ACOT7: variants seen among roughly 807,000 people sequenced by gnomAD.
The protein encoded by ACOT7 is cytosolic acyl coenzyme A thioester hydrolase.
ACOT7 carries 12 observed loss-of-function variants against 40.2 expected under a neutral mutation model. That is an observed-to-expected ratio of 0.30 (90% CI 0.19 to 0.48). ACOT7 has a LOEUF of 0.48. Among genes scored for constraint, ACOT7 ranks in the 20% least tolerant of loss-of-function variants. The pLI is 0.99. For synonymous variants in ACOT7, 228 were observed against 219.5 expected (o/e 1.04, Z -0.34); for missense variants, 395 against 530.8 (o/e 0.74, Z 2.51).
chr1:6,348,956 C>T (rs1018475360), intron 2 of ACOT7, among the ~76,000 whole-genome samples: 4 of 152,194 alleles, frequency 2.6e-5, no homozygotes, highest in African/African-American at 7.2e-5. Context: ...CTGAGTCTTC[C>T]TCTTCTCTGC....
In ACOT7 at chr1:6,393,343, A is replaced by C; in HGVS notation, c.57T>G (p.Leu19=). The C allele has an allele frequency of 8.0e-7, 1 of 1,254,114 alleles. No individual in the cohort carries two copies. The highest frequency in any genetic ancestry group is 1.0e-6 in the Non-Finnish European group (1 of 999,536). 77.7% of individuals were successfully genotyped at this position (1,254,114 alleles called of 1,614,324 possible). ...CGGCGGATGCGGCGGGCGGCTGCAGAAGGGCGCAGGTGTCTGGCAGGCCCG... is the reference window on the plus strand; with the variant it reads ...CGGCGGATGCGGCGGGCGGCTGCAGCAGGGCGCAGGTGTCTGGCAGGCCCG... The part of the protein sequence containing the change: ...SAPGLPDTCA[L]LQPPAASAAA... The change falls in exon 1 of 9, where the codon CTT becomes CTG. Residue 19 remains leucine (L), a synonymous_variant. Transcript: ENST00000361521.
Position 6,359,541 on chromosome 1 carries a change from A to C in ACOT7, c.144-9675T>G, listed in dbSNP as rs1571341704. ...TCAGCAACTCCACTACCCTTCCTCC[A>C]CTCCCGCGGGCTCTTAGGCTGCCGG... is the stretch of plus-strand genomic sequence containing the variant. On this transcript the variant is annotated intron_variant, in intron 1 of 8. Coordinates refer to ENST00000361521, the MANE Select transcript of ACOT7 (RefSeq NM_007274.4). The surrounding 1 kb of genome is among the most constrained non-coding windows in gnomAD (Gnocchi z 4.1). Among the ~76,000 whole-genome samples the C allele has an allele frequency of 2.3e-5, 3 of 130,894 alleles. No homozygotes were observed. The highest frequency in any genetic ancestry group is 7.9e-5 in the Admixed American group (1 of 12,580). The allele number at this position is 130,894 out of a possible 152,430, so 85.9% of individuals were successfully genotyped here. A position where few individuals can be genotyped will look rare whatever the true frequency, so the allele number is the denominator to read the frequency against.
chr1:6,376,916 G>A (rs1642243579), intron 1 of ACOT7, among the ~76,000 whole-genome samples: 1 of 152,058 alleles, frequency 6.6e-6, no homozygotes, highest in African/African-American at 2.4e-5. Flanking sequence ...GCGGCAGAGG[G>A]CCAAAGACCC....
intron 6 of ACOT7, among the ~76,000 whole-genome samples, chr1:6,296,057 A>G (rs915122642): frequency 2.0e-5 from 3 of 152,074 alleles, no homozygotes; most frequent in African/African-American, 7.2e-5. Flanking sequence ...GGCACATGTT[A>G]CCACACCTGG....
chr1:6,295,926 C>A (rs1213959450), intron 6 of ACOT7, among the ~76,000 whole-genome samples: 1 of 151,906 alleles, frequency 6.6e-6, no homozygotes. Context: ...GTTTTTGAGA[C>A]AGGGTCTCAC....
chr1:6,296,624 T>C (rs1369664043), intron 6 of ACOT7, among the ~76,000 whole-genome samples: 1 of 152,094 alleles, frequency 6.6e-6, no homozygotes, highest in Non-Finnish European at 1.5e-5. Flanking sequence ...GGGGTTTCAC[T>C]ATGTTGTCCA....
chr1:6,297,177 A>T (rs1639834443), intron 6 of ACOT7, among the ~76,000 whole-genome samples: 1 of 152,106 alleles, frequency 6.6e-6, no homozygotes, highest in African/African-American at 2.4e-5. Context: ...AGCTGGGATT[A>T]CAGATGTGTA....
intron 1 of ACOT7, among the ~76,000 whole-genome samples, chr1:6,351,276 G>A (rs919535388): frequency 5.9e-5 from 9 of 152,236 alleles, no homozygotes; most frequent in Non-Finnish European, 1.2e-4. Context: ...CCAAGGTTCC[G>A]TGGGAGGCTC....
At chr1:6,269,010 G>C (rs555897159) in intron 8 of ACOT7, among the ~76,000 whole-genome samples, 24 of 152,342 alleles carry the variant, frequency 1.6e-4, no homozygotes, top group African/African-American at 5.5e-4. Context: ...GGACTACAGC[G>C]ATAAGGGGAT....
Position 6,294,900 on chromosome 1 carries a change from C to T in ACOT7, c.793G>A (p.Val265Met), listed in dbSNP as rs2148395672. The T allele has an allele frequency of 1.2e-6, 2 of 1,614,092 alleles. No homozygotes were observed. Among genetic ancestry groups the T allele is most frequent in the Non-Finnish European group, 1.7e-6 (2 of 1,180,006 alleles). The change falls in exon 7 of 9, where the codon GTG (valine) becomes ATG (methionine). Residue 265 changes from valine (V) to methionine (M), a missense_variant. Around this residue, in one of 2 missense-constraint regions of ACOT7, gnomAD observed 309 missense variants for 470.3 expected, o/e 0.66. Transcript: ENST00000361521. The surrounding 1 kb of genome is among the most constrained non-coding windows in gnomAD (Gnocchi z 4.6). ...TTGTCATGAAAATTAATGGCGTCCA[C>T]GGAAGCTGTGACGATGTTGGTCTTG... is the stretch of plus-strand genomic sequence containing the variant. ...HCKTNIVTAS[V>M]DAINFHDKIR...
chr1:6,340,982 G>A (rs7527033), intron 2 of ACOT7, among the ~76,000 whole-genome samples: 2 of 151,824 alleles, frequency 1.3e-5, no homozygotes, highest in East Asian at 3.9e-4. Context: ...GTTGCAGTGA[G>A]CTGAGATTGC....
intron 6 of ACOT7, among the ~76,000 whole-genome samples, chr1:6,304,983 GC>G (rs1238019811): frequency 6.8e-6 from 1 of 147,992 alleles, no homozygotes; most frequent in African/African-American, 2.6e-5. Flanking sequence ...GGGCAGAGGC[GC>G]CCCTCACCTC....
intron 1 of ACOT7, among the ~76,000 whole-genome samples, 162 bp downstream of exon 1, chr1:6,393,095 C>A (rs1642561285): frequency 6.6e-6 from 1 of 150,726 alleles, no homozygotes; most frequent in African/African-American, 2.4e-5. Flanking sequence ...GAGTCGCATC[C>A]CGGCCGGGCG....
intron 6 of ACOT7, among the ~76,000 whole-genome samples, chr1:6,308,429 C>T (rs1162733962): frequency 6.8e-6 from 1 of 148,112 alleles, no homozygotes; most frequent in Non-Finnish European, 1.5e-5. Flanking sequence ...GCAGAAGGAA[C>T]AGCAACAGGC....
chr1:6,284,575 T>C (rs1571269498), intron 7 of ACOT7, among the ~76,000 whole-genome samples: 6 of 49,042 alleles, frequency 1.2e-4, no homozygotes, highest in Admixed American at 2.6e-4. Context: ...AAACTCCATC[T>C]CAAAAAAAAA....
intron 8 of ACOT7, among the ~76,000 whole-genome samples, chr1:6,270,622 G>T (rs1187287890): frequency 6.6e-6 from 1 of 152,232 alleles, no homozygotes; most frequent in Non-Finnish European, 1.5e-5. Flanking sequence ...GCCCAGCTGT[G>T]TGGCCCAGGG....
chr1:6,290,498 T>G (rs1639633983), intron 7 of ACOT7, among the ~76,000 whole-genome samples: 1 of 152,200 alleles, frequency 6.6e-6, no homozygotes, highest in South Asian at 2.1e-4. Context: ...GCCCTCAGGC[T>G]CCAACCGCCT....
intron 6 of ACOT7, among the ~76,000 whole-genome samples, chr1:6,317,066 T>C (rs1342201016): frequency 6.6e-6 from 1 of 152,208 alleles, no homozygotes; most frequent in Non-Finnish European, 1.5e-5. Context: ...GAACTTGGTG[T>C]TCCAGGCAGT....
At chr1:6,342,007 C>T (rs1475575160) in intron 2 of ACOT7, among the ~76,000 whole-genome samples, 1 of 152,210 alleles carries the variant, frequency 6.6e-6, no homozygotes, top group Non-Finnish European at 1.5e-5. Context: ...CCCTGGGGAT[C>T]ATCCTCTGTA....
Sources: gnomAD v4.1 joint callset for allele counts (sites outside exome capture counted in the v4.1 genomes callset) on GRCh38, gnomAD v4.1.1 for gene constraint, gnomAD v4.1.1 regional missense constraint, Gnocchi (gnomAD v3.1) non-coding constraint, MANE v1.5 for transcripts, NCBI Gene and HGNC (gene_info 2026-07-23, HGNC 2026-07-21) for gene names.